EDIL3: variants seen among roughly 807,000 people sequenced by gnomAD.
EDIL3 encodes the protein EGF like and discoidin domains 3.
In EDIL3, 37 loss-of-function variants were observed where a neutral mutation model predicts 67.4. The observed-to-expected ratio is 0.55, with a 90% confidence interval of 0.42 to 0.72. EDIL3 has a LOEUF of 0.72. EDIL3 is among the 30% of genes least tolerant of loss of function. The pLI, the probability that EDIL3 is intolerant of heterozygous loss-of-function variation, is 0.00. For synonymous variants in EDIL3, 195 were observed against 196.3 expected (o/e 0.99, Z 0.05); for missense variants, 527 against 586.3 (o/e 0.90, Z 1.04).
intron 2 of EDIL3, among the ~76,000 whole-genome samples, chr5:84,250,451 C>A (rs1322302313): frequency 6.6e-6 from 1 of 152,210 alleles, no homozygotes; most frequent in Admixed American, 6.5e-5. Context: ...TCCTACGTAA[C>A]ACAGGAATGC....
intron 9 of EDIL3, among the ~76,000 whole-genome samples, chr5:84,050,342 C>A (rs568336541): frequency 1.3e-5 from 2 of 151,852 alleles, no homozygotes; most frequent in South Asian, 2.1e-4. Flanking sequence ...GCAGTTCCAA[C>A]ATGGCAGAAT....
intron 1 of EDIL3, among the ~76,000 whole-genome samples, chr5:84,308,194 T>G (rs573463597): frequency 1.3e-5 from 2 of 152,276 alleles, no homozygotes; most frequent in South Asian, 2.1e-4. Flanking sequence ...TATGATCTAG[T>G]GGCTAACAGG....
chr5:83,963,568 A>G (rs1015291152), intron 9 of EDIL3, among the ~76,000 whole-genome samples: 2 of 151,658 alleles, frequency 1.3e-5, no homozygotes, highest in Non-Finnish European at 2.9e-5. Context: ...CTCCTTGAAC[A>G]ACCATTTTTA....
chr5:84,259,986 T>G (rs534802400), intron 1 of EDIL3, among the ~76,000 whole-genome samples: 4 of 152,336 alleles, frequency 2.6e-5, no homozygotes, highest in Admixed American at 1.3e-4. Context: ...TCTATGTTGG[T>G]ACTACTGAGA....
At chr5:84,086,813 C>T (rs1156528488) in intron 6 of EDIL3, among the ~76,000 whole-genome samples, 9 of 152,066 alleles carry the variant, frequency 5.9e-5, no homozygotes, top group African/African-American at 1.2e-4. Context: ...TGTGTGACTA[C>T]GCAGAAGGTG....
intron 1 of EDIL3, among the ~76,000 whole-genome samples, chr5:84,330,763 C>G (rs1252787954): frequency 6.6e-6 from 1 of 152,184 alleles, no homozygotes; most frequent in African/African-American, 2.4e-5. Context: ...CCCTGGAAAG[C>G]AAGCAGTGCT....
chr5:84,285,802 A>T (rs943213805), intron 1 of EDIL3, among the ~76,000 whole-genome samples: 5 of 152,202 alleles, frequency 3.3e-5, no homozygotes, highest in African/African-American at 1.2e-4. Context: ...GGAACGCCTC[A>T]GATAGAAAGT....
chr5:84,022,025 G>A (rs143561705), intron 9 of EDIL3, among the ~76,000 whole-genome samples: 56 of 151,946 alleles, frequency 3.7e-4, no homozygotes, highest in Middle Eastern at 6.8e-3. Context: ...AATTGAAGAC[G>A]AGGAAATTCT....
intron 3 of EDIL3, among the ~76,000 whole-genome samples, chr5:84,207,616 T>A (rs1400483324): frequency 6.6e-6 from 1 of 150,952 alleles, no homozygotes; most frequent in Non-Finnish European, 1.5e-5. Flanking sequence ...AGAACAAAGC[T>A]GGAGGCATCA....
intron 10 of EDIL3, among the ~76,000 whole-genome samples, chr5:83,944,920 G>A (rs4590165): frequency 0.97 from 147,117 of 152,048 alleles, 71,177 homozygotes; most frequent in East Asian, 1. Flanking sequence ...CACATGACAG[G>A]ATACTTAACC....
intron 4 of EDIL3, among the ~76,000 whole-genome samples, chr5:84,149,007 G>A (rs914870707): frequency 2.0e-5 from 3 of 147,524 alleles, no homozygotes; most frequent in Non-Finnish European, 4.5e-5. Context: ...GACAAAATAC[G>A]TGAGACAACA....
chr5:84,294,713 T>C (rs1746007119), intron 1 of EDIL3, among the ~76,000 whole-genome samples: 1 of 152,140 alleles, frequency 6.6e-6, no homozygotes, highest in Non-Finnish European at 1.5e-5. Context: ...AGGAAATAAA[T>C]TGGCCAACAT....
At chr5:84,048,071 A>G in intron 9 of EDIL3, 1 of 249,600 alleles carries the variant, frequency 4.0e-6, no homozygotes, top group East Asian at 1.1e-4. Context: ...ACATATGTCA[A>G]TACTATAGAA....
intron 4 of EDIL3, among the ~76,000 whole-genome samples, chr5:84,172,606 C>T (rs368427307): frequency 6.6e-6 from 1 of 150,870 alleles, no homozygotes; most frequent in Non-Finnish European, 1.5e-5. Flanking sequence ...ACAACAACAA[C>T]AACAAAAAAA....
intron 3 of EDIL3, among the ~76,000 whole-genome samples, chr5:84,219,749 G>A (rs1231787279): frequency 6.6e-6 from 1 of 152,058 alleles, no homozygotes; most frequent in African/African-American, 2.4e-5. Flanking sequence ...TTTAAAGTGT[G>A]GTACATATGG....
intron 9 of EDIL3, among the ~76,000 whole-genome samples, chr5:84,045,524 T>A (rs763656825): frequency 1.3e-5 from 2 of 151,920 alleles, no homozygotes; most frequent in Non-Finnish European, 2.9e-5. Context: ...GAAAAAAAAA[T>A]GTACATCTAT....
At chr5:84,304,580 A>G (rs1189039756) in intron 1 of EDIL3, among the ~76,000 whole-genome samples, 1 of 152,236 alleles carries the variant, frequency 6.6e-6, no homozygotes, top group Non-Finnish European at 1.5e-5. Flanking sequence ...TGAGTGTTTG[A>G]AGGTCAATTT....
chr5:84,278,062 T>A (rs1745624152), intron 1 of EDIL3, among the ~76,000 whole-genome samples: 1 of 152,162 alleles, frequency 6.6e-6, no homozygotes, highest in African/African-American at 2.4e-5. Context: ...CTCATATCAA[T>A]CACGTAGTCT....
chr5:84,122,861 CTCT>C (rs1747803393), intron 5 of EDIL3, among the ~76,000 whole-genome samples: 1 of 151,890 alleles, frequency 6.6e-6, no homozygotes. Flanking sequence ...TTTATTGAGC[CTCT>C]TCTTTGTGCA....
Sources: allele counts gnomAD v4.1 joint callset (sites outside exome capture counted in the v4.1 genomes callset), GRCh38; gene constraint gnomAD v4.1.1; transcripts MANE v1.5; gene names NCBI Gene and HGNC (gene_info 2026-07-23, HGNC 2026-07-21).